Variants in ANO4 observed in about 807,000 individuals in gnomAD.
ANO4 encodes anoctamin 4, also known as anoctamin-4.
A neutral mutation model predicts 141.9 loss-of-function variants in ANO4; 69 were observed. The ratio of observed to expected loss-of-function variants is 0.49; its 90% confidence interval spans 0.40 to 0.59. ANO4 has a LOEUF of 0.59. Ranked by LOEUF, ANO4 falls within the 20% of genes least tolerant of loss-of-function variation. The pLI, the probability that ANO4 is intolerant of heterozygous loss-of-function variation, is 0.00. For missense variants in ANO4, 894 were observed against 1,162.2 expected, an observed-to-expected ratio of 0.77 and a Z score of 3.36; for synonymous variants, 350 against 394.3, an observed-to-expected ratio of 0.89 and a Z score of 1.33.
At chr12:100,884,069 G>T (rs2093099736) in intron 1 of ANO4, among the ~76,000 whole-genome samples, 1 of 152,218 alleles carries the variant, frequency 6.6e-6, no homozygotes, top group Non-Finnish European at 1.5e-5. Context: ...TGGGTTCTAT[G>T]AATTAATCAT....
chr12:101,100,438 G>A (rs895586737), intron 22 of ANO4, among the ~76,000 whole-genome samples: 6 of 152,060 alleles, frequency 3.9e-5, no homozygotes, highest in African/African-American at 1.4e-4. Flanking sequence ...TTCTTAAATT[G>A]CTTATGTTCT....
At chr12:101,066,997 C>CAAAAAA (rs34416390) in intron 14 of ANO4, 87 of 181,462 alleles carry the variant, frequency 4.8e-4, no homozygotes, top group South Asian at 1.1e-3. Flanking sequence ...TAAAGTATAA[C>CAAAAAA]AAAAAAAAAA....
intron 3 of ANO4, among the ~76,000 whole-genome samples, chr12:100,925,342 G>C (rs896479948): frequency 6.6e-6 from 1 of 151,930 alleles, no homozygotes; most frequent in African/African-American, 2.4e-5. Flanking sequence ...GGAGTTCTGC[G>C]ACTGGCCCCA....
rs548738524 is a variant in ANO4, at chr12:101,001,817, A to G, written c.734+14147A>G. 6.6e-5 allele frequency among the ~76,000 whole-genome samples: 10 copies of G among 152,282 alleles called. No homozygotes were observed. The South Asian group carries it at 2.1e-3, about 32-fold the overall frequency. On this transcript the variant is annotated intron_variant, in intron 8 of 27. Coordinates refer to ENST00000392977, the MANE Select transcript of ANO4 (RefSeq NM_001286615.2). ...TGGCACTGGGGAGAAGGAGTTGTTA[A>G]ACCTGTAAACTGTGAAGATGGTAGT...
chr12:100,815,159 T>C (rs2035665503), intron 1 of ANO4, among the ~76,000 whole-genome samples: 1 of 152,102 alleles, frequency 6.6e-6, no homozygotes, highest in Non-Finnish European at 1.5e-5. Flanking sequence ...AATGTAGTGC[T>C]TAGAGATTAG....
chr12:101,108,320 G>C (rs1380674610), intron 22 of ANO4, among the ~76,000 whole-genome samples: 1 of 152,150 alleles, frequency 6.6e-6, no homozygotes, highest in Admixed American at 6.5e-5. Context: ...CCAAAGACAG[G>C]GGACACCTGG....
At chr12:100,806,530 T>TTTTTGTTTC (rs1565891290) in intron 1 of ANO4, among the ~76,000 whole-genome samples, 22 of 30,718 alleles carry the variant, frequency 7.2e-4, no homozygotes, top group African/African-American at 4.8e-3. Flanking sequence ...TTTCGTTTTT[T>TTTTTGTTTC]TTTTTTTTTT....
At chr12:100,858,194 T>TA (rs2038283774) in intron 1 of ANO4, among the ~76,000 whole-genome samples, 1 of 152,182 alleles carries the variant, frequency 6.6e-6, no homozygotes, top group South Asian at 2.1e-4. Context: ...AGACTGCACT[T>TA]ACACAAGCTT....
intron 1 of ANO4, among the ~76,000 whole-genome samples, chr12:100,838,247 A>T (rs1350099661): frequency 1.3e-5 from 2 of 151,860 alleles, no homozygotes; most frequent in Non-Finnish European, 2.9e-5. Context: ...AAAAAAAAAA[A>T]AAAAGATTTG....
intron 2 of ANO4, among the ~76,000 whole-genome samples, chr12:100,734,953 ATGT>A (rs2031543002): frequency 6.6e-6 from 1 of 152,198 alleles, no homozygotes; most frequent in African/African-American, 2.4e-5. Context: ...AATATGATGT[ATGT>A]TGTTATTTTG....
intron 24 of ANO4, among the ~76,000 whole-genome samples, chr12:101,111,926 A>G (rs748648966): frequency 6.6e-6 from 1 of 152,172 alleles, no homozygotes; most frequent in Non-Finnish European, 1.5e-5. Context: ...GTTGGAGGAC[A>G]TACAAGTCAG....
Position 100,817,587 on chromosome 12 carries a change from C to T in ANO4, c.-141+22560C>T, listed in dbSNP as rs186238579. On this transcript the variant is annotated intron_variant, in intron 1 of 27. Coordinates refer to ENST00000392977, the MANE Select transcript of ANO4 (RefSeq NM_001286615.2). ...AAAGGATGGGAAAACTTTATAGCCACGAGTGACAGAAAGAAACTATTGTTC... is the reference window on the plus strand; with the variant it reads ...AAAGGATGGGAAAACTTTATAGCCATGAGTGACAGAAAGAAACTATTGTTC... Among the ~76,000 whole-genome samples, 284 of 151,944 alleles carry T rather than the reference C, an allele frequency of 1.9e-3. 1 individual carries two copies. Among genetic ancestry groups the T allele is most frequent in the Non-Finnish European group, 1.9e-3 (132 of 67,858 alleles).
chr12:101,117,559 G>A (rs879679014), intron 25 of ANO4, among the ~76,000 whole-genome samples: 24 of 152,104 alleles, frequency 1.6e-4, no homozygotes, highest in African/African-American at 4.8e-4. Context: ...ATACTTTGAC[G>A]TTATAAGAAT....
chr12:101,104,595 G>C (rs1235972611), intron 22 of ANO4, among the ~76,000 whole-genome samples: 5 of 63,814 alleles, frequency 7.8e-5, no homozygotes, highest in Non-Finnish European at 1.3e-4. Flanking sequence ...ATATATATAT[G>C]TGTGTGTGTG....
At chr12:101,073,055 A>G (rs1190540095) in intron 14 of ANO4, among the ~76,000 whole-genome samples, 1 of 152,212 alleles carries the variant, frequency 6.6e-6, no homozygotes, top group Non-Finnish European at 1.5e-5. Context: ...AACTGGAAAT[A>G]CCATTTGACC....
intron 3 of ANO4, among the ~76,000 whole-genome samples, chr12:100,756,094 A>G (rs1309560842): frequency 1.3e-5 from 2 of 152,202 alleles, no homozygotes; most frequent in African/African-American, 4.8e-5. Context: ...CTTATTAATT[A>G]AAATGCAATT....
chr12:100,950,445 C>T (rs570853633), intron 5 of ANO4, among the ~76,000 whole-genome samples: 3 of 152,194 alleles, frequency 2.0e-5, no homozygotes, highest in East Asian at 1.9e-4. Context: ...CTTTCAGGAG[C>T]TACCAATGTC....
chr12:100,899,031 A>G (rs771912171), intron 1 of ANO4, among the ~76,000 whole-genome samples: 1 of 152,164 alleles, frequency 6.6e-6, no homozygotes, highest in South Asian at 2.1e-4. Context: ...GATGTGGATG[A>G]TGCATGTGTG....
intron 3 of ANO4, among the ~76,000 whole-genome samples, chr12:100,744,600 G>A (rs1275755354): frequency 1.3e-5 from 2 of 152,146 alleles, no homozygotes; most frequent in Admixed American, 6.5e-5. Flanking sequence ...GAATTTTGGA[G>A]AGACACAAAC....
Sources: allele counts gnomAD v4.1 joint callset (sites outside exome capture counted in the v4.1 genomes callset), GRCh38; gene constraint gnomAD v4.1.1; transcripts MANE v1.5; gene names NCBI Gene and HGNC (gene_info 2026-07-23, HGNC 2026-07-21).